The following PHYHIPL variants were observed in gnomAD, a reference collection of about 807,000 sequenced individuals.
PHYHIPL encodes phytanoyl-CoA hydroxylase-interacting protein-like.
In PHYHIPL, 9 loss-of-function variants were observed where a neutral mutation model predicts 33.4. The ratio of observed to expected loss-of-function variants is 0.27; its 90% CI spans 0.16 to 0.47. PHYHIPL has a LOEUF of 0.47. Ranked by LOEUF, PHYHIPL falls within the 20% of genes least tolerant of loss-of-function variation. The pLI, the probability that PHYHIPL is intolerant of heterozygous loss-of-function variation, is 0.99. For synonymous variants in PHYHIPL, 153 were observed against 154.1 expected, an observed-to-expected ratio of 0.99 and a Z score of 0.05; for missense variants, 365 against 460.7, an observed-to-expected ratio of 0.79 and a Z score of 1.90.
chr10:59,227,855 T>C (rs112942264), intron 1 of PHYHIPL, among the ~76,000 whole-genome samples: 7,259 of 152,236 alleles, frequency 0.048, 238 homozygotes, highest in Middle Eastern at 0.095. Flanking sequence ...CATTTATTGC[T>C]TCATGTTTTA....
chr10:59,229,042 C>G (rs1162650693), intron 1 of PHYHIPL, among the ~76,000 whole-genome samples: 1 of 152,090 alleles, frequency 6.6e-6, no homozygotes, highest in Non-Finnish European at 1.5e-5. Flanking sequence ...CAGTATTTGC[C>G]AGAGCACATC....
At chr10:59,239,688 ACAG>A (rs1840333905) in intron 4 of PHYHIPL, among the ~76,000 whole-genome samples, 1 of 152,046 alleles carries the variant, frequency 6.6e-6, no homozygotes, top group Admixed American at 6.6e-5. Flanking sequence ...TTTTATATTT[ACAG>A]CACTTTCATA....
Position 59,245,504 on chromosome 10 carries a change from C to T in PHYHIPL, c.1044C>T (p.Ile348=), listed in dbSNP as rs746455620. ...VDLSVGTVAE[I]TGHQLMSLST... Reference sequence around the variant, plus strand: ...TTTCTGTGGGCACCGTGGCAGAAATCACTGGTCATCAGCTCATGAGTTTGT... The same window carrying T: ...TTTCTGTGGGCACCGTGGCAGAAATTACTGGTCATCAGCTCATGAGTTTGT... Residue 348 remains isoleucine, a synonymous_variant, in exon 5 of 5, where the codon ATC becomes ATT. Coordinates refer to ENST00000373880, the MANE Select transcript of PHYHIPL (RefSeq NM_032439.4). The T allele has an allele frequency of 6.8e-6, 11 of 1,614,158 alleles. No individual in the cohort carries two copies. The South Asian group carries it at 8.8e-5, about 13-fold the overall frequency.
intron 1 of PHYHIPL, among the ~76,000 whole-genome samples, chr10:59,180,313 A>AATATAT (rs1838373088): frequency 2.0e-4 from 10 of 50,572 alleles, no homozygotes; most frequent in Non-Finnish European, 3.2e-4. Flanking sequence ...ATATAGAAAA[A>AATATAT]GTATATATAT....
intron 1 of PHYHIPL, chr10:59,177,483 T>A (rs1238483137): frequency 6.5e-7 from 1 of 1,548,188 alleles, no homozygotes; most frequent in African/African-American, 1.4e-5. Flanking sequence ...AGGATGACAG[T>A]TTTTCAGTGA....
chr10:59,240,294 AG>A, intron 4 of PHYHIPL, among the ~76,000 whole-genome samples: 1 of 152,150 alleles, frequency 6.6e-6, no homozygotes, highest in South Asian at 2.1e-4. Context: ...TTAGCAAGGA[AG>A]GTGTTTCTTT....
rs761734529 is a variant in PHYHIPL at position 59,236,596 on chromosome 10, A to G, written c.417A>G (p.Lys139=). Reference sequence around the variant, plus strand: ...CAGTAGCAGTGCAGACTGCCTCAAAACAAGTTGATGGTGATTATGTTGTGT... The same window carrying G: ...CAGTAGCAGTGCAGACTGCCTCAAAGCAAGTTGATGGTGATTATGTTGTGT... ...EYTVAVQTAS[K]QVDGDYVVSE... is the part of the protein sequence containing the mutation. The change falls in exon 3 of 5, where the codon AAA becomes AAG. Residue 139 remains lysine, a synonymous_variant. Coordinates refer to ENST00000373880, the MANE Select transcript of PHYHIPL (RefSeq NM_032439.4). The G allele has an allele frequency of 5.0e-6, 8 of 1,610,998 alleles. No homozygotes were observed. The highest frequency in any genetic ancestry group is 6.8e-6 in the Non-Finnish European group (8 of 1,178,270).
At chr10:59,195,799 A>C (rs1256553918) in intron 1 of PHYHIPL, among the ~76,000 whole-genome samples, 1 of 152,162 alleles carries the variant, frequency 6.6e-6, no homozygotes, top group African/African-American at 2.4e-5. Context: ...GACTTTGAAA[A>C]GTATCCTTTG....
intron 1 of PHYHIPL, among the ~76,000 whole-genome samples, chr10:59,199,011 G>A (rs1187214177): frequency 6.6e-6 from 1 of 152,054 alleles, no homozygotes; most frequent in Non-Finnish European, 1.5e-5. Context: ...TACGTTGCCT[G>A]TTCACTCTGA....
intron 1 of PHYHIPL, among the ~76,000 whole-genome samples, chr10:59,196,715 C>T (rs1268472409): frequency 6.6e-6 from 1 of 151,274 alleles, no homozygotes; most frequent in Non-Finnish European, 1.5e-5. Context: ...CCGCGCCCGG[C>T]CAAGTACACT....
intron 1 of PHYHIPL, chr10:59,206,840 T>A (rs1839296226): frequency 8.6e-7 from 1 of 1,157,116 alleles, no homozygotes; most frequent in Non-Finnish European, 1.1e-6. Context: ...TTTAAGTGAT[T>A]AACTGTAAGT....
chr10:59,178,050 C>G (rs1334317458), intron 1 of PHYHIPL, among the ~76,000 whole-genome samples: 1 of 152,092 alleles, frequency 6.6e-6, no homozygotes, highest in East Asian at 1.9e-4. Context: ...AATTTATCAG[C>G]CTAATCCAAA....
chr10:59,179,224 T>C (rs1201250930), intron 1 of PHYHIPL, among the ~76,000 whole-genome samples: 1 of 152,070 alleles, frequency 6.6e-6, no homozygotes, highest in Admixed American at 6.6e-5. Flanking sequence ...CAGACCTTAC[T>C]TAGCATCATT....
chr10:59,199,904 T>A (rs1355294023), intron 1 of PHYHIPL, among the ~76,000 whole-genome samples: 5 of 152,172 alleles, frequency 3.3e-5, no homozygotes, highest in Non-Finnish European at 7.3e-5. Flanking sequence ...GCACCTTGAT[T>A]TTGTATCCTG....
At chr10:59,240,663 C>T (rs865799285) in intron 4 of PHYHIPL, among the ~76,000 whole-genome samples, 4 of 151,958 alleles carry the variant, frequency 2.6e-5, no homozygotes, top group African/African-American at 9.7e-5. Flanking sequence ...AAAAAAAACC[C>T]CTCCATATTT....
chr10:59,186,578 T>C (rs1423818168), intron 1 of PHYHIPL, among the ~76,000 whole-genome samples: 3 of 152,220 alleles, frequency 2.0e-5, no homozygotes, highest in Admixed American at 1.3e-4. Context: ...TTTCACGATA[T>C]TGATTCTTCC....
chr10:59,235,972 TA>T (rs1377624620), intron 2 of PHYHIPL, among the ~76,000 whole-genome samples: 4 of 151,926 alleles, frequency 2.6e-5, no homozygotes, highest in African/African-American at 9.7e-5. Context: ...TAACCAAATA[TA>T]ATATTTTTAA....
chr10:59,188,692 G>A (rs1838691998), intron 1 of PHYHIPL, among the ~76,000 whole-genome samples: 1 of 152,130 alleles, frequency 6.6e-6, no homozygotes, highest in Non-Finnish European at 1.5e-5. Flanking sequence ...AGTTCTTCTT[G>A]TTGAATTGAT....
At chr10:59,174,254 C>T (rs1327647120), upstream of PHYHIPL, among the ~76,000 whole-genome samples, 2 of 151,956 alleles carry the variant, frequency 1.3e-5, no homozygotes, top group Non-Finnish European at 2.9e-5. Context: ...ACCCCTTTCC[C>T]GTAATTCTCC....
Sources: allele counts gnomAD v4.1 joint callset (sites outside exome capture counted in the v4.1 genomes callset), GRCh38; gene constraint gnomAD v4.1.1; transcripts MANE v1.5; gene names NCBI Gene and HGNC (gene_info 2026-07-23, HGNC 2026-07-21).